Variants in SKA2 observed in about 807,000 individuals in gnomAD.
SKA2 encodes the protein spindle and kinetochore-associated protein 2.
A neutral mutation model predicts 16.9 loss-of-function variants in SKA2; 13 were observed. The observed-to-expected ratio is 0.77, with a 90% CI of 0.50 to 1.22. SKA2 has a LOEUF of 1.22. Among genes scored for constraint, SKA2 ranks in the 50% most tolerant of loss-of-function variants. The pLI, the probability that SKA2 is intolerant of heterozygous loss-of-function variation, is 0.00. For missense variants in SKA2, 107 were observed against 139.7 expected (o/e 0.77, Z 1.18); for synonymous variants, 47 against 48.5 (o/e 0.97, Z 0.13).
At chr17:59,123,318 G>A (rs1351865385) in intron 2 of SKA2, among the ~76,000 whole-genome samples, 2 of 150,334 alleles carry the variant, frequency 1.3e-5, no homozygotes, top group Non-Finnish European at 3.0e-5. Flanking sequence ...CAGCACTTTG[G>A]GAAGCTGAAG....
intron 3 of SKA2, among the ~76,000 whole-genome samples, chr17:59,116,169 G>A (rs1056672975): frequency 5.3e-5 from 8 of 152,018 alleles, no homozygotes; most frequent in South Asian, 2.1e-4. Flanking sequence ...TCAGGAGTTC[G>A]AGACCAGCCT....
intron 1 of SKA2, among the ~76,000 whole-genome samples, chr17:59,143,456 A>G (rs1054483521): frequency 2.6e-5 from 4 of 152,136 alleles, no homozygotes; most frequent in African/African-American, 9.7e-5. Flanking sequence ...ATCTCAGTTC[A>G]CTGCAACCTC....
intron 1 of SKA2, among the ~76,000 whole-genome samples, chr17:59,134,443 A>G (rs2046430356): frequency 6.6e-6 from 1 of 152,224 alleles, no homozygotes; most frequent in Admixed American, 6.5e-5. Context: ...TCTCTATTCT[A>G]GAAACCCTTA....
At chr17:59,137,849 T>G (rs1266038552) in intron 1 of SKA2, 1 of 518,218 alleles carries the variant, frequency 1.9e-6, no homozygotes, top group Non-Finnish European at 3.9e-6. Context: ...ATTGATAGGG[T>G]TCTAGGATCT....
chr17:59,144,021 C>T (rs1037195966), intron 1 of SKA2, among the ~76,000 whole-genome samples: 1 of 151,894 alleles, frequency 6.6e-6, no homozygotes, highest in African/African-American at 2.4e-5. Context: ...CGAGGCGTGG[C>T]GTCATGCGCC....
chr17:59,130,337 C>T (rs1404026841), intron 2 of SKA2, among the ~76,000 whole-genome samples: 1 of 151,042 alleles, frequency 6.6e-6, no homozygotes, highest in Non-Finnish European at 1.5e-5. Flanking sequence ...ATTGGTCGCA[C>T]GTGGTGGCTC....
chr17:59,150,659 C>G (rs1454175900), intron 1 of SKA2, among the ~76,000 whole-genome samples: 1 of 152,046 alleles, frequency 6.6e-6, no homozygotes, highest in Non-Finnish European at 1.5e-5. Flanking sequence ...GGAGGATTAT[C>G]TAAGCCCGGG....
At chr17:59,132,995 T>C (rs1239158791) in intron 1 of SKA2, among the ~76,000 whole-genome samples, 1 of 152,242 alleles carries the variant, frequency 6.6e-6, no homozygotes, top group Non-Finnish European at 1.5e-5. Context: ...TTCTTTTTTA[T>C]GAGACAGGGT....
At chr17:59,143,425 A>C (rs980696764) in intron 1 of SKA2, among the ~76,000 whole-genome samples, 3 of 152,160 alleles carry the variant, frequency 2.0e-5, no homozygotes, top group Non-Finnish European at 4.4e-5. Context: ...TCTGTTGTCC[A>C]CACTGGAGTG....
intron 2 of SKA2, among the ~76,000 whole-genome samples, chr17:59,122,446 A>G (rs2046341585): frequency 6.6e-6 from 1 of 151,960 alleles, no homozygotes; most frequent in Non-Finnish European, 1.5e-5. Context: ...CCTCATCTCT[A>G]CTAATAATAC....
chr17:59,138,034 TGTTTAA>T (rs1816950510), intron 1 of SKA2, among the ~76,000 whole-genome samples: 1 of 152,180 alleles, frequency 6.6e-6, no homozygotes, highest in African/African-American at 2.4e-5. Context: ...GTGAGGTTAT[TGTTTAA>T]CTTTTTAGGG....
At chr17:59,127,385 A>ATTTCT (rs576003827) in intron 2 of SKA2, among the ~76,000 whole-genome samples, 76 of 152,052 alleles carry the variant, frequency 5.0e-4, no homozygotes, top group African/African-American at 1.3e-3. Flanking sequence ...TTTTACTACA[A>ATTTCT]TTTCTTTTCT....
intron 1 of SKA2, among the ~76,000 whole-genome samples, chr17:59,143,637 G>A (rs543506346): frequency 6.6e-6 from 1 of 152,006 alleles, no homozygotes; most frequent in African/African-American, 2.4e-5. Flanking sequence ...GCCTCCAAAA[G>A]TGCTGGGAAT....
At chr17:59,135,054 C>G (rs62081889) in intron 1 of SKA2, among the ~76,000 whole-genome samples, 1 of 151,916 alleles carries the variant, frequency 6.6e-6, no homozygotes, top group Non-Finnish European at 1.5e-5. Flanking sequence ...AGGCTGGTCT[C>G]GAACTCCTGA....
intron 1 of SKA2, 99 bp downstream of exon 1, chr17:59,155,032 C>T (rs1233839524): frequency 6.2e-7 from 1 of 1,614,042 alleles, no homozygotes; most frequent in South Asian, 1.1e-5. Context: ...GTCCAGCCTC[C>T]GCCGCCCGGA....
chr17:59,126,707 T>C (rs2046374754), intron 2 of SKA2, among the ~76,000 whole-genome samples: 1 of 152,198 alleles, frequency 6.6e-6, no homozygotes, highest in Non-Finnish European at 1.5e-5. Context: ...TAAAAAGTCA[T>C]ATTTCCTCAA....
At chr17:59,139,339 G>A (rs980943914) in intron 1 of SKA2, among the ~76,000 whole-genome samples, 1 of 144,616 alleles carries the variant, frequency 6.9e-6, no homozygotes, top group Admixed American at 7.2e-5. Flanking sequence ...AGAGGTTGCA[G>A]AGAGCCGAGA....
intron 1 of SKA2, among the ~76,000 whole-genome samples, chr17:59,149,214 G>A (rs989167846): frequency 1.2e-4 from 19 of 152,124 alleles, no homozygotes; most frequent in Admixed American, 5.9e-4. Flanking sequence ...AAAACATTAC[G>A]TCCACACAAA....
At chr17:59,154,536 T>C (rs1350069224) in intron 1 of SKA2, among the ~76,000 whole-genome samples, 1 of 152,228 alleles carries the variant, frequency 6.6e-6, no homozygotes, top group African/African-American at 2.4e-5. Flanking sequence ...ACGATCCCCT[T>C]CGCTCACACC....
Sources: allele counts gnomAD v4.1 joint callset (sites outside exome capture counted in the v4.1 genomes callset), GRCh38; gene constraint gnomAD v4.1.1; transcripts MANE v1.5; gene names NCBI Gene and HGNC (gene_info 2026-07-23, HGNC 2026-07-21).